Variants in RGS20 observed in about 807,000 individuals in gnomAD.
RGS20 encodes the protein regulator of G protein signaling 20, also known as gz-selective GTPase-activating protein.
Under a neutral mutation model 33.6 loss-of-function variants are expected in RGS20, and 30 were observed. That is an observed-to-expected ratio of 0.89 (90% confidence interval 0.67 to 1.21). RGS20 has a LOEUF of 1.21. RGS20 is among the 50% of genes most tolerant of loss of function. The pLI, the probability that RGS20 is intolerant of heterozygous loss-of-function variation, is 0.00. For synonymous variants in RGS20, 208 were observed against 197.9 expected, an observed-to-expected ratio of 1.05 and a Z score of -0.43; for missense variants, 472 against 502.4, an observed-to-expected ratio of 0.94 and a Z score of 0.58.
At position 53,877,006 on chromosome 8, in the gene RGS20, G is replaced by A. The variant is rs545216117; in HGVS notation, c.166-2252G>A. 6.6e-6 allele frequency among the ~76,000 whole-genome samples: 1 copy of A among 152,330 alleles called. No homozygotes were observed. The highest frequency in any genetic ancestry group is 2.4e-5 in the African/African-American group (1 of 41,562). On this transcript the variant is annotated intron_variant, in intron 1 of 5. Coordinates refer to ENST00000297313, the MANE Select transcript of RGS20 (RefSeq NM_170587.4). This position sits in a 1 kb window ranked among gnomAD's most constrained non-coding sequence, Gnocchi z 5.7. ...ACTTGGGAAGAAGGACTGGGGCGAAGGGAGAAAGGAGGTTACGAGTTCGCA... is the reference window on the plus strand; with the variant it reads ...ACTTGGGAAGAAGGACTGGGGCGAAAGGAGAAAGGAGGTTACGAGTTCGCA...
intron 1 of RGS20, among the ~76,000 whole-genome samples, chr8:53,869,503 C>T (rs1812007219): frequency 6.6e-6 from 1 of 152,070 alleles, no homozygotes; most frequent in Admixed American, 6.6e-5. Flanking sequence ...TGGTGAAACC[C>T]TGTCTCTACT....
chr8:53,947,251 T>TTATACATGCTATATAAGATATAGCA (rs1563429156), intron 4 of RGS20, among the ~76,000 whole-genome samples: 122 of 138,216 alleles, frequency 8.8e-4, no homozygotes, highest in African/African-American at 3.2e-3. Context: ...TATAGCATAT[T>TTATACATGCTATATAAGATATAGCA]TATTTATACA....
chr8:53,861,149 A>G (rs184961021), intron 1 of RGS20, among the ~76,000 whole-genome samples: 1 of 152,300 alleles, frequency 6.6e-6, no homozygotes, highest in Admixed American at 6.5e-5. Flanking sequence ...GCATTTTTAT[A>G]TCTATCACCC....
chr8:53,858,400 C>A (rs991585220), intron 1 of RGS20, among the ~76,000 whole-genome samples: 4 of 151,612 alleles, frequency 2.6e-5, no homozygotes, highest in Non-Finnish European at 5.9e-5. Flanking sequence ...CAGTAAGGCC[C>A]GCAGGAGAGG....
At chr8:53,916,481 T>C (rs1264215387) in intron 2 of RGS20, among the ~76,000 whole-genome samples, 1 of 152,228 alleles carries the variant, frequency 6.6e-6, no homozygotes, top group Non-Finnish European at 1.5e-5. Context: ...CTGTGAGAGA[T>C]AAGCTCTCTG....
intron 2 of RGS20, among the ~76,000 whole-genome samples, chr8:53,896,947 C>T (rs976342445): frequency 6.6e-6 from 1 of 152,104 alleles, no homozygotes; most frequent in Non-Finnish European, 1.5e-5. Context: ...AGAATCATCC[C>T]AGGATAAAAA....
At chr8:53,906,865 A>G (rs1364592207) in intron 2 of RGS20, among the ~76,000 whole-genome samples, 1 of 152,184 alleles carries the variant, frequency 6.6e-6, no homozygotes, top group Non-Finnish European at 1.5e-5. Context: ...GACTAAGGTA[A>G]AATCATAGCA....
chr8:53,946,648 ATG>A lies in RGS20; in HGVS notation c.660-15_660-14del. ...CAGGGACTGAGCTGTCAACATGTGA[ATG>A]TCTTTTTTTTGCAGTCTCACTGTTA... On this transcript the variant is annotated splice_polypyrimidine_tract_variant and intron_variant, in intron 3 of 5. Transcript: ENST00000297313. 2 of 1,604,422 alleles carry A rather than the reference ATG, an allele frequency of 1.2e-6. No individual in the cohort carries two copies. The highest frequency in any genetic ancestry group is 1.7e-6 in the Non-Finnish European group (2 of 1,173,630).
chr8:53,857,347 C>A (rs1811698887), intron 1 of RGS20, among the ~76,000 whole-genome samples: 1 of 152,182 alleles, frequency 6.6e-6, no homozygotes, highest in Non-Finnish European at 1.5e-5. Context: ...TCCTTGGGTT[C>A]TCAGTGAGCA....
chr8:53,882,154 T>A (rs564590176), intron 2 of RGS20, among the ~76,000 whole-genome samples: 4 of 152,016 alleles, frequency 2.6e-5, no homozygotes, highest in South Asian at 4.2e-4. Flanking sequence ...GGTGGGCGTT[T>A]TGGGGAAAGG....
intron 5 of RGS20, among the ~76,000 whole-genome samples, chr8:53,954,687 G>GT (rs1286635845): frequency 1.8e-4 from 25 of 135,192 alleles, no homozygotes; most frequent in African/African-American, 5.7e-4. Flanking sequence ...AAAAGTAATT[G>GT]CCTTTTTTTT....
intron 1 of RGS20, among the ~76,000 whole-genome samples, chr8:53,866,566 G>C (rs911687596): frequency 2.0e-5 from 3 of 152,040 alleles, no homozygotes; most frequent in Non-Finnish European, 4.4e-5. Flanking sequence ...ATTTTTAGTA[G>C]AGACGGGGTT....
At chr8:53,958,201 G>A in intron 5 of RGS20, 69 bp from the exon 5 acceptor site, 1 of 1,121,354 alleles carries the variant, frequency 8.9e-7, no homozygotes, top group Non-Finnish European at 1.2e-6. Flanking sequence ...ATCCCCACAA[G>A]CTCTAGGAGT....
At chr8:53,928,486 A>G (rs984883645) in intron 2 of RGS20, among the ~76,000 whole-genome samples, 2 of 152,234 alleles carry the variant, frequency 1.3e-5, no homozygotes. Flanking sequence ...GTAAACATGA[A>G]TACAGTCTTA....
chr8:53,897,744 T>A (rs1305800010), intron 2 of RGS20, among the ~76,000 whole-genome samples: 1 of 152,366 alleles, frequency 6.6e-6, no homozygotes, highest in African/African-American at 2.4e-5. Context: ...CTCAAGTTGC[T>A]AACTTGTTCC....
At chr8:53,899,033 A>C (rs1048122569) in intron 2 of RGS20, among the ~76,000 whole-genome samples, 1 of 152,166 alleles carries the variant, frequency 6.6e-6, no homozygotes, top group Admixed American at 6.5e-5. Context: ...GCTGTTAGGA[A>C]CTTTATGTTC....
chr8:53,931,416 G>A (rs372063593), intron 2 of RGS20, among the ~76,000 whole-genome samples: 1 of 152,106 alleles, frequency 6.6e-6, no homozygotes, highest in African/African-American at 2.4e-5. Flanking sequence ...TTAGCTGGGC[G>A]TGGTGGTGGG....
chr8:53,926,050 A>G (rs755819135), intron 2 of RGS20, among the ~76,000 whole-genome samples: 1 of 152,106 alleles, frequency 6.6e-6, no homozygotes, highest in Non-Finnish European at 1.5e-5. Flanking sequence ...TCTATGAAAA[A>G]AAATTGTTAA....
intron 2 of RGS20, among the ~76,000 whole-genome samples, chr8:53,927,662 A>G (rs1467254406): frequency 2.0e-5 from 3 of 152,210 alleles, no homozygotes; most frequent in Admixed American, 2.0e-4. Context: ...AAAGGACAGT[A>G]AAATGATGCC....
Sources: gnomAD v4.1 joint callset for allele counts (sites outside exome capture counted in the v4.1 genomes callset) on GRCh38, gnomAD v4.1.1 for gene constraint, Gnocchi (gnomAD v3.1) non-coding constraint, MANE v1.5 for transcripts, NCBI Gene and HGNC (gene_info 2026-07-23, HGNC 2026-07-21) for gene names.